The following BMERB1 variants were observed in gnomAD, a reference collection of about 807,000 sequenced individuals.
The protein encoded by BMERB1 is bMERB domain-containing protein 1.
BMERB1 carries 12 observed loss-of-function variants against 23.6 expected under a neutral mutation model. The observed-to-expected ratio is 0.51, with a 90% CI of 0.33 to 0.82. The LOEUF (loss-of-function observed/expected upper bound fraction) is 0.82. Among genes scored for constraint, BMERB1 ranks in the 40% least tolerant of loss-of-function variants. The pLI is 0.03. For missense variants in BMERB1, 247 were observed against 255.4 expected (o/e 0.97, Z 0.22); for synonymous variants, 122 against 96.6 (o/e 1.26, Z -1.54).
intron 2 of BMERB1, among the ~76,000 whole-genome samples, chr16:15,542,631 A>AC (rs1395708078): frequency 2.1e-5 from 2 of 96,866 alleles, no homozygotes; most frequent in Non-Finnish European, 4.0e-5. Flanking sequence ...CCTCCTAGGG[A>AC]TTTTTTTTTT....
At chr16:15,583,859 A>G (rs754929465) in intron 5 of BMERB1, 7 of 601,712 alleles carry the variant, frequency 1.2e-5, no homozygotes, top group Non-Finnish European at 2.1e-5. Flanking sequence ...CGTTTGGAAC[A>G]TGGGGCCCTA....
intron 2 of BMERB1, among the ~76,000 whole-genome samples, chr16:15,526,484 C>T (rs932177752): frequency 6.6e-6 from 1 of 151,600 alleles, no homozygotes; most frequent in East Asian, 1.9e-4. Context: ...GCTAACACGG[C>T]GAAACCCCGT....
At chr16:15,571,467 C>T (rs2030725113) in intron 3 of BMERB1, among the ~76,000 whole-genome samples, 1 of 152,024 alleles carries the variant, frequency 6.6e-6, no homozygotes, top group Admixed American at 6.5e-5. Flanking sequence ...ATGCCTCAGC[C>T]TCAGTCTCCC....
rs1024226627 is a variant in BMERB1, at chr16:15,529,228, G to A, written c.230+13800G>A. The stretch of plus-strand genomic sequence containing the variant: ...TTATTGGTAGAGACAGGGTTTCACC[G>A]TGTTAGCCAGGATGGTCTTGATCTC... On this transcript the variant is annotated intron_variant, in intron 2 of 5. Coordinates refer to ENST00000300006, the MANE Select transcript of BMERB1 (RefSeq NM_033201.3). Among the ~76,000 whole-genome samples, 3 of 151,974 alleles carry A rather than the reference G, an allele frequency of 2.0e-5. 1 individual carries two copies. The highest frequency in any genetic ancestry group is 1.3e-4 in the Admixed American group (2 of 15,242).
At chr16:15,510,218 TTGTTATGGCACCACGC>T (rs1172740843) in intron 1 of BMERB1, among the ~76,000 whole-genome samples, 2 of 151,902 alleles carry the variant, frequency 1.3e-5, no homozygotes, top group Non-Finnish European at 2.9e-5. Context: ...TGGCCATGAA[TTGTTATGGCACCACGC>T]TTGACTCTGA....
chr16:15,435,264 C>G (rs1173148554), intron 1 of BMERB1, among the ~76,000 whole-genome samples: 1 of 152,180 alleles, frequency 6.6e-6, no homozygotes, highest in Non-Finnish European at 1.5e-5. Flanking sequence ...CCCTCGCCTT[C>G]CTTGGGTCGG....
At chr16:15,440,105 CGTG>C (rs1350893620) in intron 1 of BMERB1, among the ~76,000 whole-genome samples, 13 of 151,586 alleles carry the variant, frequency 8.6e-5, no homozygotes, top group Admixed American at 5.9e-4. Context: ...ATTAGCCAGG[CGTG>C]GTGATGGGCG....
chr16:15,500,034 G>T (rs1388663928), intron 1 of BMERB1, among the ~76,000 whole-genome samples: 3 of 152,168 alleles, frequency 2.0e-5, no homozygotes, highest in Non-Finnish European at 4.4e-5. Context: ...TGAGTGAGGG[G>T]GGTAGAGGGG....
At chr16:15,435,194 C>T (rs2050877642) in intron 1 of BMERB1, among the ~76,000 whole-genome samples, 1 of 152,194 alleles carries the variant, frequency 6.6e-6, no homozygotes, top group African/African-American at 2.4e-5. Flanking sequence ...TGGTTTTCCG[C>T]TTGCTTTCCT....
intron 2 of BMERB1, among the ~76,000 whole-genome samples, chr16:15,516,278 G>A (rs1268111147): frequency 2.6e-5 from 4 of 151,516 alleles, no homozygotes; most frequent in Admixed American, 1.3e-4. Flanking sequence ...AAAATTAGCT[G>A]TGTGTGGCTG....
At chr16:15,443,233 G>C (rs2050956393) in intron 1 of BMERB1, among the ~76,000 whole-genome samples, 1 of 148,634 alleles carries the variant, frequency 6.7e-6, no homozygotes, top group Non-Finnish European at 1.5e-5. Context: ...GAGCGACAGA[G>C]CAAGACCTGA....
chr16:15,464,025 A>T (rs1397601232), intron 1 of BMERB1, among the ~76,000 whole-genome samples: 2 of 152,120 alleles, frequency 1.3e-5, no homozygotes, highest in Non-Finnish European at 2.9e-5. Flanking sequence ...AGAAGTAAAG[A>T]ATCAAGGCCG....
intron 1 of BMERB1, among the ~76,000 whole-genome samples, chr16:15,506,233 C>A (rs995798840): frequency 7.9e-5 from 12 of 151,732 alleles, no homozygotes; most frequent in African/African-American, 2.9e-4. Context: ...TGGAGTGCCG[C>A]GGTGCGATCT....
intron 1 of BMERB1, among the ~76,000 whole-genome samples, chr16:15,497,032 G>T (rs537580333): frequency 6.6e-6 from 1 of 152,314 alleles, no homozygotes; most frequent in East Asian, 1.9e-4. Context: ...GCTAGAAAAG[G>T]CAAGGAAACT....
At chr16:15,441,657 C>T (rs191977403) in intron 1 of BMERB1, among the ~76,000 whole-genome samples, 44 of 152,106 alleles carry the variant, frequency 2.9e-4, no homozygotes, top group Admixed American at 1.4e-3. Context: ...GGATTACAGC[C>T]GTGAGCCACG....
intron 2 of BMERB1, among the ~76,000 whole-genome samples, chr16:15,562,175 T>A (rs1283541794): frequency 1.3e-5 from 2 of 151,620 alleles, no homozygotes; most frequent in Non-Finnish European, 1.5e-5. Context: ...TGGTGGTGCA[T>A]GCCTGTAATC....
At chr16:15,509,310 A>G (rs942365873) in intron 1 of BMERB1, among the ~76,000 whole-genome samples, 1 of 59,442 alleles carries the variant, frequency 1.7e-5, no homozygotes, top group African/African-American at 9.1e-5. Flanking sequence ...GGTTAAGGTC[A>G]CGTGGTTGTG....
At chr16:15,535,646 C>T (rs1367352648) in intron 2 of BMERB1, among the ~76,000 whole-genome samples, 1 of 115,684 alleles carries the variant, frequency 8.6e-6, no homozygotes, top group Non-Finnish European at 1.7e-5. Context: ...AAGACTCCAT[C>T]TCAAAAAAAA....
intron 2 of BMERB1, among the ~76,000 whole-genome samples, chr16:15,524,449 G>A (rs1051524014): frequency 1.3e-5 from 2 of 152,094 alleles, no homozygotes; most frequent in Non-Finnish European, 2.9e-5. Context: ...GGAGGAAGGT[G>A]GGAATCTGTG....
Sources: gnomAD v4.1 joint callset for allele counts (sites outside exome capture counted in the v4.1 genomes callset) on GRCh38, gnomAD v4.1.1 for gene constraint, MANE v1.5 for transcripts, NCBI Gene and HGNC (gene_info 2026-07-23, HGNC 2026-07-21) for gene names.